The following ABCA13 variants were observed in gnomAD, a reference collection of about 807,000 sequenced individuals.
ABCA13 encodes ATP-binding cassette sub-family A member 13.
In ABCA13, 476 loss-of-function variants were observed where a neutral mutation model predicts 478.7. The ratio of observed to expected loss-of-function variants is 0.99; its 90% confidence interval spans 0.92 to 1.07. The LOEUF is 1.07. Among genes scored for constraint, ABCA13 ranks in the 50% least tolerant of loss-of-function variants. The pLI, the probability that ABCA13 is intolerant of heterozygous loss-of-function variation, is 0.00. For synonymous variants in ABCA13, 2,252 were observed against 2,158.9 expected (o/e 1.04, Z -1.20); for missense variants, 6,060 against 5,910.6 (o/e 1.03, Z -0.83).
chr7:48,642,287 C>G (rs1233466881), intron 59 of ABCA13, among the ~76,000 whole-genome samples: 1 of 152,172 alleles, frequency 6.6e-6, no homozygotes, highest in Non-Finnish European at 1.5e-5. Flanking sequence ...ACCAGACAGA[C>G]TTGAAAAATA....
rs199630323 is a variant in ABCA13 at position 48,615,334 on chromosome 7, G to A, written c.14794G>A (p.Gly4932Ser). The A allele has an allele frequency of 1.1e-5, 17 of 1,580,934 alleles. No individual in the cohort carries two copies. The highest frequency in any genetic ancestry group is 4.0e-5 in the African/African-American group (3 of 74,482). ...CACAAGACTGGCCATAATGGTTAAC[G>A]GCAGCTTCAAATGTCTTGGTTCTCC... ...LCTRLAIMVNGSFKCLGSPQH... is the reference protein window; with the variant it reads ...LCTRLAIMVNSSFKCLGSPQH... Residue 4932 changes from glycine (G) to serine (S), a missense_variant, in exon 59 of 62, where the codon GGC becomes AGC. Gly to Ser is a moderately conservative substitution (Grantham distance 56). This residue lies in a region of ABCA13 where 1,627 missense variants were observed against 1,571.0 expected (regional missense o/e 1.04). Coordinates refer to ENST00000435803, the MANE Select transcript of ABCA13 (RefSeq NM_152701.5).
At chr7:48,393,423 G>T (rs1292411657) in intron 38 of ABCA13, among the ~76,000 whole-genome samples, 1 of 152,216 alleles carries the variant, frequency 6.6e-6, no homozygotes, top group Non-Finnish European at 1.5e-5. Flanking sequence ...GTGTGGGGAA[G>T]GGGCCCTTGG....
Position 48,310,013 on chromosome 7 carries a change from C to A in ABCA13, c.9388C>A (p.Leu3130Met), listed in dbSNP as rs370433579. The change falls in exon 24 of 62, where the codon CTG (leucine) becomes ATG (methionine). Residue 3130 changes from leucine (L) to methionine (M), a missense_variant. By Grantham distance (15) the Leu-to-Met change is conservative. Coordinates refer to ENST00000435803, the MANE Select transcript of ABCA13 (RefSeq NM_152701.5). ...TGATCAGGAAATCCTTCATCTCCTGCTGACATTTCCCAAAGGGGAAAAATC... is the reference window on the plus strand; with the variant it reads ...TGATCAGGAAATCCTTCATCTCCTGATGACATTTCCCAAAGGGGAAAAATC... ...KCDQEILHLLLTFPKGEKSWI... is the reference protein window; with the variant it reads ...KCDQEILHLLMTFPKGEKSWI... 12 of 1,613,986 alleles carry A rather than the reference C, an allele frequency of 7.4e-6. No homozygotes were observed. The African/African-American group carries it at 1.3e-4, about 18-fold the overall frequency.
chr7:48,200,911 C>T (rs1386858930), intron 3 of ABCA13, among the ~76,000 whole-genome samples: 1 of 152,224 alleles, frequency 6.6e-6, no homozygotes, highest in African/African-American at 2.4e-5. Flanking sequence ...GTAATCCCAG[C>T]GCTTTGGGTT....
chr7:48,290,870 AAGG>A (rs1798408919), intron 20 of ABCA13, among the ~76,000 whole-genome samples: 1 of 145,548 alleles, frequency 6.9e-6, no homozygotes, highest in Non-Finnish European at 1.5e-5. Context: ...TCTTTGGAGC[AAGG>A]AGAATACCGA....
At chr7:48,435,455 C>A (rs926312776) in intron 42 of ABCA13, among the ~76,000 whole-genome samples, 1 of 151,810 alleles carries the variant, frequency 6.6e-6, no homozygotes, top group African/African-American at 2.4e-5. Context: ...AGACTGTCAT[C>A]TGCAAACAAA....
chr7:48,349,724 G>T (rs1023763493), intron 29 of ABCA13, among the ~76,000 whole-genome samples: 1 of 152,190 alleles, frequency 6.6e-6, no homozygotes, highest in African/African-American at 2.4e-5. Context: ...CATGTCCGGG[G>T]ACAAATGCCC....
chr7:48,383,056 C>G (rs892518503), intron 35 of ABCA13, among the ~76,000 whole-genome samples: 1 of 152,174 alleles, frequency 6.6e-6, no homozygotes, highest in Non-Finnish European at 1.5e-5. Context: ...GGGAGATGAG[C>G]CAGCATCTCT....
intron 43 of ABCA13, among the ~76,000 whole-genome samples, chr7:48,462,019 A>G (rs1190214739): frequency 6.9e-6 from 1 of 144,844 alleles, no homozygotes; most frequent in East Asian, 2.1e-4. Flanking sequence ...CCACATGGGG[A>G]GATATTTAGG....
chr7:48,280,185 T>A (rs573737849), intron 18 of ABCA13, among the ~76,000 whole-genome samples: 9 of 152,310 alleles, frequency 5.9e-5, no homozygotes, highest in Non-Finnish European at 1.2e-4. Flanking sequence ...AGCAAAAACC[T>A]CTTATTCTAT....
intron 3 of ABCA13, among the ~76,000 whole-genome samples, chr7:48,206,576 A>G (rs7806597): frequency 0.2 from 30,682 of 151,836 alleles, 3,327 homozygotes; most frequent in Middle Eastern, 0.25. Context: ...ATGACCCAGG[A>G]TGTTCTTTTC....
chr7:48,607,962 C>T (rs911933260), intron 58 of ABCA13, among the ~76,000 whole-genome samples: 4 of 152,202 alleles, frequency 2.6e-5, no homozygotes, highest in African/African-American at 9.6e-5. Context: ...CTTACTGCAA[C>T]GTCTGCCTTG....
rs189859259 is a variant in ABCA13 at position 48,544,842 on chromosome 7, G to T, written c.14354+16497G>T. Among the ~76,000 whole-genome samples, 24 of 151,964 alleles carry T rather than the reference G, an allele frequency of 1.6e-4. 1 individual carries two copies. Among genetic ancestry groups the T allele is most frequent in the African/African-American group, 5.5e-4 (23 of 41,550 alleles). On this transcript the variant is annotated intron_variant, in intron 55 of 61. Coordinates refer to ENST00000435803, the MANE Select transcript of ABCA13 (RefSeq NM_152701.5). ...AGGCTTGTGACTGGCATCTGAAAGG[G>T]AGCGGTCTTGGGGACTGAGCCCTCA...
intron 23 of ABCA13, 61 bp downstream of exon 23, chr7:48,298,548 C>T: frequency 6.4e-7 from 1 of 1,570,152 alleles, no homozygotes; most frequent in Non-Finnish European, 8.6e-7. Context: ...CCTGAAGTCA[C>T]TGGCACTGTG....
chr7:48,579,442 A>G (rs1247904328), intron 55 of ABCA13, among the ~76,000 whole-genome samples: 1 of 152,230 alleles, frequency 6.6e-6, no homozygotes, highest in Admixed American at 6.5e-5. Flanking sequence ...AGCTAATAGA[A>G]TGAGTAAAAT....
chr7:48,468,573 C>T (rs1336991297), intron 44 of ABCA13, among the ~76,000 whole-genome samples: 1 of 152,156 alleles, frequency 6.6e-6, no homozygotes, highest in Non-Finnish European at 1.5e-5. Context: ...ACAAATAGGG[C>T]TTGATTCACT....
intron 27 of ABCA13, among the ~76,000 whole-genome samples, chr7:48,333,114 G>T (rs61294185): frequency 0.024 from 3,610 of 152,138 alleles, 152 homozygotes; most frequent in African/African-American, 0.082. Context: ...GGTACTTGAG[G>T]CTCTGTTCAC....
chr7:48,404,276 C>G, intron 39 of ABCA13: 1 of 252,350 alleles, frequency 4.0e-6, no homozygotes, highest in East Asian at 1.0e-4. Context: ...CTTGTAGCTA[C>G]AGAGAAAGTT....
intron 48 of ABCA13, among the ~76,000 whole-genome samples, chr7:48,501,312 TA>T (rs1186279802): frequency 7.2e-5 from 11 of 152,156 alleles, no homozygotes; most frequent in East Asian, 3.9e-4. Context: ...AATTTCAGAG[TA>T]AAAACATGGG....
Sources: gnomAD v4.1 joint callset for allele counts (sites outside exome capture counted in the v4.1 genomes callset) on GRCh38, gnomAD v4.1.1 for gene constraint, gnomAD v4.1.1 regional missense constraint, MANE v1.5 for transcripts, NCBI Gene and HGNC (gene_info 2026-07-23, HGNC 2026-07-21) for gene names.